NPAS3: variants seen among roughly 807,000 people sequenced by gnomAD.
NPAS3 encodes the protein neuronal PAS domain protein 3.
Under a neutral mutation model 73.1 loss-of-function variants are expected in NPAS3, and 14 were observed. The ratio of observed to expected loss-of-function variants is 0.19; its 90% confidence interval spans 0.13 to 0.30. NPAS3 has a LOEUF of 0.30. Among genes scored for constraint, NPAS3 ranks in the 10% least tolerant of loss-of-function variants. NPAS3 has a pLI of 1.00. For synonymous variants in NPAS3, 620 were observed against 541.5 expected, an observed-to-expected ratio of 1.14 and a Z score of -2.01; for missense variants, 1,096 against 1,250.0, an observed-to-expected ratio of 0.88 and a Z score of 1.86.
At position 33,800,606 on chromosome 14, in the gene NPAS3, G is replaced by A. The variant is rs1011014911; in HGVS notation, c.2299G>A (p.Gly767Arg). The stretch of plus-strand genomic sequence containing the variant: ...GCACCCCGGGAACGGCGGCGGGGGC[G>A]GGGGCGGGGGCGGCGGCGCGGGGGG... The change falls in exon 12 of 12, where the codon GGG becomes AGG. Residue 767 changes from glycine to arginine, a missense_variant. Physicochemically the swap from Gly to Arg is moderately radical, Grantham distance 125. Around this residue, in one of 5 missense-constraint regions of NPAS3, gnomAD observed 698 missense variants for 676.7 expected, o/e 1.03. Coordinates refer to ENST00000356141, the Ensembl canonical transcript of NPAS3. The surrounding 1 kb of genome is among the most constrained non-coding windows in gnomAD (Gnocchi z 6.5). The A allele has an allele frequency of 6.2e-5, 81 of 1,314,754 alleles. No homozygotes were observed. The highest frequency in any genetic ancestry group is 7.7e-5 in the Non-Finnish European group (80 of 1,040,118). 81.4% of individuals were successfully genotyped at this position (1,314,754 alleles called of 1,614,324 possible). A position where few individuals can be genotyped will look rare whatever the true frequency, so the allele number is the denominator to read the frequency against.
intron 5 of NPAS3, among the ~76,000 whole-genome samples, chr14:33,565,918 T>G (rs553202351): frequency 2.8e-4 from 43 of 151,888 alleles, no homozygotes; most frequent in Admixed American, 4.6e-4. Context: ...GAAAAATATA[T>G]AATTTTCTGC....
chr14:33,759,018 A>T (rs1217447186), intron 7 of NPAS3, among the ~76,000 whole-genome samples: 2 of 152,266 alleles, frequency 1.3e-5, no homozygotes, highest in Non-Finnish European at 2.9e-5. Context: ...ATTAAAAATG[A>T]TAAAATTGAT....
At chr14:33,132,541 C>T (rs568461835) in intron 2 of NPAS3, among the ~76,000 whole-genome samples, 6 of 152,028 alleles carry the variant, frequency 3.9e-5, no homozygotes. Context: ...CTGAAATCAT[C>T]AAGAGGCACC....
At chr14:33,695,625 A>G (rs2060355795) in intron 6 of NPAS3, among the ~76,000 whole-genome samples, 1 of 152,232 alleles carries the variant, frequency 6.6e-6, no homozygotes, top group African/African-American at 2.4e-5. Flanking sequence ...AATATTTTTA[A>G]TTCTACAAAT....
intron 2 of NPAS3, among the ~76,000 whole-genome samples, chr14:33,206,148 CTTAA>C (rs1417767695): frequency 6.6e-6 from 1 of 152,052 alleles, no homozygotes; most frequent in East Asian, 1.9e-4. Flanking sequence ...TTATCAGTGA[CTTAA>C]TTGTCATATA....
At chr14:33,750,623 A>G (rs1308162477) in intron 7 of NPAS3, among the ~76,000 whole-genome samples, 1 of 143,186 alleles carries the variant, frequency 7.0e-6, no homozygotes, top group Non-Finnish European at 1.5e-5. Context: ...AGAATGATCT[A>G]TAACTTTCAT....
intron 7 of NPAS3, among the ~76,000 whole-genome samples, chr14:33,736,735 T>C (rs2061532958): frequency 6.6e-6 from 1 of 152,212 alleles, no homozygotes; most frequent in Admixed American, 6.6e-5. Flanking sequence ...CTCTCGGCAT[T>C]CTTTCTTCAC....
chr14:33,034,430 G>T (rs2040095266), intron 1 of NPAS3, among the ~76,000 whole-genome samples: 1 of 151,486 alleles, frequency 6.6e-6, no homozygotes, highest in African/African-American at 2.4e-5. Flanking sequence ...TAAGAAGAAA[G>T]ATGATCTGAG....
Position 33,602,117 on chromosome 14 carries a change from G to A in NPAS3, c.558+41907G>A, listed in dbSNP as rs576543707. The stretch of plus-strand genomic sequence containing the variant: ...AGACCTCGATTAGCTAGAATTCAAG[G>A]GGCAGAGATGAGAGCTCCACAGAGT... On this transcript the variant is annotated intron_variant, in intron 5 of 11. Coordinates refer to ENST00000356141, the Ensembl canonical transcript of NPAS3. 2.0e-3 allele frequency among the ~76,000 whole-genome samples: 301 copies of A among 152,270 alleles called. 1 individual carries two copies. Among genetic ancestry groups the A allele is most frequent in the African/African-American group, 7.0e-3 (292 of 41,572 alleles).
intron 5 of NPAS3, among the ~76,000 whole-genome samples, chr14:33,619,120 G>A (rs1206370595): frequency 1.3e-5 from 2 of 152,128 alleles, no homozygotes; most frequent in Non-Finnish European, 2.9e-5. Context: ...TCAGGTTTCA[G>A]TCTTACTTTG....
intron 6 of NPAS3, among the ~76,000 whole-genome samples, chr14:33,713,904 C>A (rs1465031313): frequency 6.6e-6 from 1 of 152,152 alleles, no homozygotes; most frequent in African/African-American, 2.4e-5. Flanking sequence ...TCCACATTGG[C>A]CTCCTTGCTA....
intron 5 of NPAS3, among the ~76,000 whole-genome samples, chr14:33,674,298 A>G (rs912809620): frequency 2.0e-5 from 3 of 152,232 alleles, no homozygotes; most frequent in Non-Finnish European, 2.9e-5. Flanking sequence ...CAAAATGCAC[A>G]TTGAAGTATT....
At chr14:33,459,090 G>A (rs576658182) in intron 4 of NPAS3, among the ~76,000 whole-genome samples, 41 of 152,274 alleles carry the variant, frequency 2.7e-4, no homozygotes, top group Non-Finnish European at 4.4e-4. Context: ...ACTTCCTGAC[G>A]TTGCCATGGC....
At chr14:33,122,994 T>C (rs1350593204) in intron 2 of NPAS3, among the ~76,000 whole-genome samples, 3 of 152,134 alleles carry the variant, frequency 2.0e-5, no homozygotes, top group Non-Finnish European at 2.9e-5. Flanking sequence ...AGGAGTATTA[T>C]TTATTTTTAA....
At chr14:33,301,578 G>A (rs2042550522) in intron 3 of NPAS3, among the ~76,000 whole-genome samples, 1 of 151,988 alleles carries the variant, frequency 6.6e-6, no homozygotes, top group Middle Eastern at 3.4e-3. Context: ...TTGGCGAACT[G>A]GAATGTTAAA....
intron 6 of NPAS3, among the ~76,000 whole-genome samples, chr14:33,684,446 G>A (rs1026428053): frequency 6.6e-6 from 1 of 151,962 alleles, no homozygotes; most frequent in African/African-American, 2.4e-5. Context: ...CAAGTAGCTG[G>A]GACTCTAGGT....
chr14:33,070,208 C>T (rs2041435420), intron 2 of NPAS3, among the ~76,000 whole-genome samples: 2 of 152,012 alleles, frequency 1.3e-5, no homozygotes, highest in African/African-American at 4.8e-5. Flanking sequence ...GGAAATTACT[C>T]CTCCTTGTTT....
intron 5 of NPAS3, among the ~76,000 whole-genome samples, chr14:33,566,933 C>A (rs141126865): frequency 6.6e-6 from 1 of 152,212 alleles, no homozygotes; most frequent in Non-Finnish European, 1.5e-5. Flanking sequence ...CCAGTGGCAG[C>A]CTCTTTGCAG....
chr14:33,528,967 G>A (rs1176325664), intron 4 of NPAS3, among the ~76,000 whole-genome samples: 1 of 152,112 alleles, frequency 6.6e-6, no homozygotes, highest in African/African-American at 2.4e-5. Context: ...TATAGTTGAT[G>A]TGAGGCATCC....
Sources: gnomAD v4.1 joint callset for allele counts (sites outside exome capture counted in the v4.1 genomes callset) on GRCh38, gnomAD v4.1.1 for gene constraint, gnomAD v4.1.1 regional missense constraint, Gnocchi (gnomAD v3.1) non-coding constraint, MANE v1.5 for transcripts, NCBI Gene and HGNC (gene_info 2026-07-23, HGNC 2026-07-21) for gene names.